MGAT5B: variants seen among roughly 807,000 people sequenced by gnomAD.
MGAT5B encodes alpha-1,6-mannosylglycoprotein 6-beta-N-acetylglucosaminyltransferase B.
In MGAT5B, 54 loss-of-function variants were observed where a neutral mutation model predicts 95.1. That is an observed-to-expected ratio of 0.57 (90% confidence interval 0.46 to 0.71). MGAT5B has a LOEUF of 0.71. Among genes scored for constraint, MGAT5B ranks in the 30% least tolerant of loss-of-function variants. MGAT5B has a pLI of 0.00. For missense variants in MGAT5B, 935 were observed against 1,088.6 expected (o/e 0.86, Z 1.99); for synonymous variants, 464 against 451.0 (o/e 1.03, Z -0.36).
chr17:76,945,631 G>A (rs1970006820), intron 15 of MGAT5B, among the ~76,000 whole-genome samples: 1 of 152,200 alleles, frequency 6.6e-6, no homozygotes, highest in Admixed American at 6.5e-5. Context: ...CCTCTGTTTG[G>A]GGGTTTGTGC....
At chr17:76,891,372 ATTTC>A (rs1294892080) in intron 3 of MGAT5B, among the ~76,000 whole-genome samples, 3 of 151,430 alleles carry the variant, frequency 2.0e-5, no homozygotes, top group African/African-American at 7.3e-5. Context: ...GAGGGTTAGG[ATTTC>A]TTTCTTTCTT....
rs765184631 is a variant in MGAT5B at position 76,940,753 on chromosome 17, G to A, written c.1753G>A (p.Ala585Thr). ...CCAGGTGTTCTCCCAGCATCCCTAC[G>A]CGGAGAACTTCATCGGCAAGCCCCA... The part of the protein sequence containing the change: ...SREVFSQHPY[A>T]ENFIGKPHVW... Residue 585 changes from alanine to threonine, a missense_variant, in exon 15 of 18, where the codon GCG (alanine) becomes ACG (threonine). Ala to Thr is a moderately conservative substitution (Grantham distance 58). Transcript: ENST00000569840. The surrounding 1 kb of genome is among the most constrained non-coding windows in gnomAD (Gnocchi z 4.3). 4.3e-6 allele frequency: 7 copies of A among 1,613,940 alleles called. No homozygotes were observed. Among genetic ancestry groups the A allele is most frequent in the African/African-American group, 1.3e-5 (1 of 74,896 alleles).
At chr17:76,879,116 T>C (rs1967310469) in intron 2 of MGAT5B, among the ~76,000 whole-genome samples, 1 of 152,136 alleles carries the variant, frequency 6.6e-6, no homozygotes, top group Admixed American at 6.6e-5. Context: ...CCATCATCTG[T>C]TTTTCAGCCT....
chr17:76,881,587 C>T (rs1198573215), intron 2 of MGAT5B, among the ~76,000 whole-genome samples: 1 of 152,222 alleles, frequency 6.6e-6, no homozygotes, highest in African/African-American at 2.4e-5. Flanking sequence ...AGTGCAGATT[C>T]CCGGGCCCCG....
At position 76,917,915 on chromosome 17, in the gene MGAT5B, T is replaced by G. The variant is rs1326968058; in HGVS notation, c.1026-7051T>G. 1.3e-5 allele frequency among the ~76,000 whole-genome samples: 2 copies of G among 152,122 alleles called. No homozygotes were observed. The highest frequency in any genetic ancestry group is 2.9e-5 in the Non-Finnish European group (2 of 68,022). On this transcript the variant is annotated intron_variant, in intron 8 of 17. Coordinates refer to ENST00000569840, the MANE Select transcript of MGAT5B (RefSeq NM_001199172.2). The surrounding 1 kb of genome is among the most constrained non-coding windows in gnomAD (Gnocchi z 6.1). ...GCTCAGCATTTACAGGCATTTATTC[T>G]AGAAATTGAGGCCTGTCTGTAAGGA...
chr17:76,932,603 G>T, intron 10 of MGAT5B, 42 bp from the exon 11 acceptor site: 1 of 1,611,190 alleles, frequency 6.2e-7, no homozygotes, highest in Non-Finnish European at 8.5e-7. Flanking sequence ...GCTGCCCTTG[G>T]TTGTTTGGTG....
intron 2 of MGAT5B, among the ~76,000 whole-genome samples, chr17:76,873,862 G>A (rs1160967884): frequency 1.3e-5 from 2 of 152,220 alleles, no homozygotes; most frequent in African/African-American, 4.8e-5. Flanking sequence ...CCCCTCTGGG[G>A]AAGTCTCTCC....
chr17:76,877,352 G>T (rs1247593001), intron 2 of MGAT5B, among the ~76,000 whole-genome samples: 1 of 134,080 alleles, frequency 7.5e-6, no homozygotes, highest in South Asian at 2.6e-4. Flanking sequence ...AAAAAAAAAA[G>T]TAGTGGTAGG....
At chr17:76,886,904 CGTGGTG>C (rs1172363467) in intron 3 of MGAT5B, among the ~76,000 whole-genome samples, 2 of 152,204 alleles carry the variant, frequency 1.3e-5, no homozygotes, top group Non-Finnish European at 2.9e-5. Context: ...ATTAGCCAGG[CGTGGTG>C]GCACATGCCT....
intron 6 of MGAT5B, 38 bp downstream of exon 6, chr17:76,904,460 T>C (rs772789731): frequency 1.3e-6 from 2 of 1,537,978 alleles, no homozygotes; most frequent in African/African-American, 1.4e-5. Flanking sequence ...GAGGGGCTGG[T>C]GTGGCTGGAC....
chr17:76,874,297 A>G (rs917649010), intron 2 of MGAT5B, among the ~76,000 whole-genome samples: 3 of 151,926 alleles, frequency 2.0e-5, no homozygotes, highest in African/African-American at 7.2e-5. Flanking sequence ...TCAATACTTA[A>G]TGGATGTGTC....
At position 76,906,621 on chromosome 17, in the gene MGAT5B, G is replaced by A. The variant is rs1314862147; in HGVS notation, c.1025+434G>A. ...ACATGGAGGATGAAGGGGCGTGGTT[G>A]GGTGGGTGGTGCCTGTCCCTTACCC... On this transcript the variant is annotated intron_variant, in intron 8 of 17. Transcript: ENST00000569840. The surrounding 1 kb of genome is among the most constrained non-coding windows in gnomAD (Gnocchi z 4.6). Among the ~76,000 whole-genome samples the A allele has an allele frequency of 6.6e-6, 1 of 152,180 alleles. No homozygotes were observed. The highest frequency in any genetic ancestry group is 1.5e-5 in the Non-Finnish European group (1 of 68,044).
intron 8 of MGAT5B, among the ~76,000 whole-genome samples, chr17:76,922,058 C>T (rs1190675328): frequency 2.0e-5 from 3 of 152,160 alleles, no homozygotes; most frequent in South Asian, 2.1e-4. Flanking sequence ...AGGGCTGTGA[C>T]GTGCTACAAC....
intron 6 of MGAT5B, among the ~76,000 whole-genome samples, chr17:76,904,702 T>C (rs1968455943): frequency 6.6e-6 from 1 of 152,226 alleles, no homozygotes; most frequent in African/African-American, 2.4e-5. Flanking sequence ...AGCTGTCACT[T>C]ATTGAGGGTT....
chr17:76,946,329 CG>C (rs1567828962), intron 15 of MGAT5B, 46 bp from the exon 16 acceptor site: 1 of 1,529,022 alleles, frequency 6.5e-7, no homozygotes. Context: ...GGGCCCCCGA[CG>C]GCTGGGCCTT....
At chr17:76,927,305 C>T (rs1472853222) in intron 10 of MGAT5B, among the ~76,000 whole-genome samples, 4 of 151,890 alleles carry the variant, frequency 2.6e-5, no homozygotes, top group Non-Finnish European at 5.9e-5. Context: ...GGTGTGATCT[C>T]CTCGGCTCAC....
At position 76,932,688 on chromosome 17, in the gene MGAT5B, G is replaced by C; in HGVS notation, c.1335G>C (p.Glu445Asp). The C allele has an allele frequency of 6.2e-7, 1 of 1,614,054 alleles. No individual in the cohort carries two copies. Among genetic ancestry groups the C allele is most frequent in the Non-Finnish European group, 8.5e-7 (1 of 1,179,960 alleles). The stretch of plus-strand genomic sequence containing the variant: ...CCTTCATGGGCTTCGTGTCCGAGGA[G>C]CTCAACGAGACGGAGAAGCGGCTCA... ...DNSFMGFVSE[E>D]LNETEKRLIK... Residue 445 changes from glutamate to aspartate, a missense_variant, in exon 11 of 18, where the codon GAG (glutamate) becomes GAC (aspartate). Glu to Asp is a conservative substitution (Grantham distance 45). Coordinates refer to ENST00000569840, the MANE Select transcript of MGAT5B (RefSeq NM_001199172.2).
Position 76,905,125 on chromosome 17 carries a change from G to T in MGAT5B, c.691-44G>T. Reference sequence around the variant, plus strand: ...CCCAGGCCAGCGGGGAATGATGGTGGCCGCAGGTTGAGGGGCAGAGAGCTG... The same window carrying T: ...CCCAGGCCAGCGGGGAATGATGGTGTCCGCAGGTTGAGGGGCAGAGAGCTG... On this transcript the variant is annotated intron_variant, in intron 6 of 17. Coordinates refer to ENST00000569840, the MANE Select transcript of MGAT5B (RefSeq NM_001199172.2). This position sits in a 1 kb window ranked among gnomAD's most constrained non-coding sequence, Gnocchi z 4.2. 1 of 1,563,600 alleles carries T rather than the reference G, an allele frequency of 6.4e-7. No homozygotes were observed. The highest frequency in any genetic ancestry group is 8.7e-7 in the Non-Finnish European group (1 of 1,148,560).
chr17:76,935,235 G>T (rs948456185), intron 12 of MGAT5B, among the ~76,000 whole-genome samples: 1 of 152,168 alleles, frequency 6.6e-6, no homozygotes, highest in Non-Finnish European at 1.5e-5. Context: ...ATCTGGGTGA[G>T]CTTGGGTGGA....
Sources: gnomAD v4.1 joint callset for allele counts (sites outside exome capture counted in the v4.1 genomes callset) on GRCh38, gnomAD v4.1.1 for gene constraint, Gnocchi (gnomAD v3.1) non-coding constraint, MANE v1.5 for transcripts, NCBI Gene and HGNC (gene_info 2026-07-23, HGNC 2026-07-21) for gene names.